Variants in HTR1E observed in about 807,000 individuals in gnomAD.
HTR1E encodes 5-hydroxytryptamine receptor 1E.
A neutral mutation model predicts 3.4 loss-of-function variants in HTR1E; 3 were observed. The ratio of observed to expected loss-of-function variants is 0.89; its 90% confidence interval spans 0.41 to 2.31. HTR1E has a LOEUF of 2.31. HTR1E is among the 30% of genes most tolerant of loss of function. HTR1E has a pLI of 0.05. For synonymous variants in HTR1E, 170 were observed against 182.8 expected, an observed-to-expected ratio of 0.93 and a Z score of 0.56; for missense variants, 392 against 467.0, an observed-to-expected ratio of 0.84 and a Z score of 1.48.
chr6:86,954,367 C>A (rs1378160559), intron 1 of HTR1E, among the ~76,000 whole-genome samples: 1 of 152,126 alleles, frequency 6.6e-6, no homozygotes, highest in African/African-American at 2.4e-5. Context: ...GTATATAAGA[C>A]CCTAGAGGCC....
chr6:87,002,393 G>C (rs1370937160), intron 1 of HTR1E, among the ~76,000 whole-genome samples: 1 of 152,234 alleles, frequency 6.6e-6, no homozygotes, highest in Non-Finnish European at 1.5e-5. Context: ...AAAGAACAAA[G>C]TGTCCACAGT....
chr6:86,990,470 G>A (rs200992598), intron 1 of HTR1E, among the ~76,000 whole-genome samples: 22 of 152,138 alleles, frequency 1.4e-4, no homozygotes, highest in East Asian at 1.4e-3. Context: ...CAGGACAAAC[G>A]AAAACAGTCT....
At chr6:86,951,304 C>T (rs1389481284) in intron 1 of HTR1E, among the ~76,000 whole-genome samples, 3 of 152,156 alleles carry the variant, frequency 2.0e-5, no homozygotes, top group African/African-American at 7.2e-5. Flanking sequence ...TTCTTATCAG[C>T]CTTTAACTAC....
chr6:86,990,390 TTA>T (rs924232253), intron 1 of HTR1E, among the ~76,000 whole-genome samples: 82 of 152,314 alleles, frequency 5.4e-4, no homozygotes, highest in African/African-American at 1.9e-3. Context: ...GACTAAAACC[TTA>T]TCTGTATTTC....
At chr6:86,972,995 G>A (rs1767581022) in intron 1 of HTR1E, among the ~76,000 whole-genome samples, 1 of 152,134 alleles carries the variant, frequency 6.6e-6, no homozygotes, top group African/African-American at 2.4e-5. Flanking sequence ...GAACACAGAA[G>A]CACGTTCTAC....
intron 1 of HTR1E, among the ~76,000 whole-genome samples, chr6:86,955,245 T>C (rs960456552): frequency 3.9e-5 from 6 of 152,254 alleles, no homozygotes; most frequent in Admixed American, 3.3e-4. Flanking sequence ...TCCACCTCCC[T>C]GTCAGCTTGT....
intron 1 of HTR1E, among the ~76,000 whole-genome samples, chr6:86,944,236 G>A (rs1222058572): frequency 6.6e-6 from 1 of 152,302 alleles, no homozygotes; most frequent in East Asian, 1.9e-4. Flanking sequence ...GGCTTCTGCT[G>A]TGTTCCTCAT....
chr6:86,976,682 T>A (rs1562065681), intron 1 of HTR1E, among the ~76,000 whole-genome samples: 1 of 152,206 alleles, frequency 6.6e-6, no homozygotes, highest in Non-Finnish European at 1.5e-5. Flanking sequence ...TTGCTGCTTT[T>A]ATAAAGAAAG....
intron 1 of HTR1E, among the ~76,000 whole-genome samples, chr6:86,961,515 G>A (rs571450255): frequency 2.0e-4 from 31 of 152,072 alleles, no homozygotes; most frequent in African/African-American, 7.2e-4. Flanking sequence ...CTGAGTATCC[G>A]GCTATTCTAA....
At chr6:87,010,358 C>CG (rs1304924893) in intron 1 of HTR1E, among the ~76,000 whole-genome samples, 2 of 102,984 alleles carry the variant, frequency 1.9e-5, no homozygotes, top group Admixed American at 9.6e-5. Context: ...GCTGGCCGGG[C>CG]GGGGGGCTGA....
chr6:86,980,103 G>A (rs1767690149), intron 1 of HTR1E, among the ~76,000 whole-genome samples: 1 of 152,068 alleles, frequency 6.6e-6, no homozygotes, highest in Non-Finnish European at 1.5e-5. Context: ...TCAAAACAGG[G>A]TCGGCCAGGC....
chr6:86,990,647 T>C (rs1767860365), intron 1 of HTR1E, among the ~76,000 whole-genome samples: 1 of 152,174 alleles, frequency 6.6e-6, no homozygotes, highest in Non-Finnish European at 1.5e-5. Flanking sequence ...TAGGCATCAA[T>C]AGTGTATTTA....
rs201039956 is a variant in HTR1E at position 86,947,459 on chromosome 6, A to AT, written c.-186+9644dup. ...CTCCTCCACTCAACCACTTTAAGGGATTTTTTTTCCTGCTTATAAGTATAT... is the reference window on the plus strand; with the variant it reads ...CTCCTCCACTCAACCACTTTAAGGGATTTTTTTTTCCTGCTTATAAGTATAT... On this transcript the variant is annotated intron_variant, in intron 1 of 1. Transcript: ENST00000305344. 1.4e-3 allele frequency among the ~76,000 whole-genome samples: 218 copies of AT among 152,070 alleles called. 1 individual carries two copies. Among genetic ancestry groups the AT allele is most frequent in the African/African-American group, 4.9e-3 (203 of 41,490 alleles).
intron 1 of HTR1E, among the ~76,000 whole-genome samples, chr6:86,989,507 A>G (rs1767844034): frequency 6.6e-6 from 1 of 152,174 alleles, no homozygotes; most frequent in Non-Finnish European, 1.5e-5. Context: ...TGACTTTGTA[A>G]AATTCAATTA....
At chr6:86,941,044 T>A (rs1458708922) in intron 1 of HTR1E, among the ~76,000 whole-genome samples, 1 of 152,260 alleles carries the variant, frequency 6.6e-6, no homozygotes, top group African/African-American at 2.4e-5. Context: ...GGAAGAGAAA[T>A]GGGGCAGCAG....
intron 1 of HTR1E, among the ~76,000 whole-genome samples, chr6:86,945,657 A>G (rs1446201695): frequency 6.6e-6 from 1 of 152,186 alleles, no homozygotes; most frequent in Non-Finnish European, 1.5e-5. Context: ...ATGTGTTTTA[A>G]GCTAAGTGCT....
intron 1 of HTR1E, among the ~76,000 whole-genome samples, chr6:87,011,547 T>C (rs766087135): frequency 1.6e-4 from 25 of 152,202 alleles, no homozygotes; most frequent in Non-Finnish European, 3.2e-4. Flanking sequence ...TAATTCAAAG[T>C]CTTAGCAAAA....
intron 1 of HTR1E, among the ~76,000 whole-genome samples, chr6:86,993,807 C>T (rs576318731): frequency 6.6e-6 from 1 of 151,648 alleles, no homozygotes; most frequent in South Asian, 2.1e-4. Flanking sequence ...GAAAATTTAA[C>T]TTAAATGAGA....
chr6:87,002,842 T>A (rs1215638441), intron 1 of HTR1E, among the ~76,000 whole-genome samples: 1 of 152,158 alleles, frequency 6.6e-6, no homozygotes, highest in African/African-American at 2.4e-5. Context: ...TTATTACAGC[T>A]AAGGAGAGAG....
Sources: allele counts gnomAD v4.1 joint callset (sites outside exome capture counted in the v4.1 genomes callset), GRCh38; gene constraint gnomAD v4.1.1; transcripts MANE v1.5; gene names NCBI Gene and HGNC (gene_info 2026-07-23, HGNC 2026-07-21).